Variants in KLHDC4 observed in about 807,000 individuals in gnomAD.
KLHDC4 encodes kelch domain-containing protein 4.
KLHDC4 carries 90 observed loss-of-function variants against 62.4 expected under a neutral mutation model. That is an observed-to-expected ratio of 1.44 (90% CI 1.22 to 1.72). KLHDC4 has a LOEUF of 1.72. Among genes scored for constraint, KLHDC4 ranks in the 40% most tolerant of loss-of-function variants. KLHDC4 has a pLI of 0.00. For synonymous variants in KLHDC4, 386 were observed against 284.4 expected, an observed-to-expected ratio of 1.36 and a Z score of -3.59; for missense variants, 1,025 against 699.7, an observed-to-expected ratio of 1.47 and a Z score of -5.25.
At chr16:87,709,217 C>G (rs367664412) in intron 10 of KLHDC4, 48 bp downstream of exon 10, 15 of 1,573,024 alleles carry the variant, frequency 9.5e-6, no homozygotes, top group Non-Finnish European at 1.2e-5. Context: ...GACACACGAC[C>G]GTGGGCTCTC....
chr16:87,762,218 T>C (rs888025215), intron 1 of KLHDC4, 178 bp from the exon 2 acceptor site: 1 of 1,349,576 alleles, frequency 7.4e-7, no homozygotes, highest in Non-Finnish European at 9.8e-7. Flanking sequence ...TAACCAGAGC[T>C]TGACCTCAAA....
intron 8 of KLHDC4, among the ~76,000 whole-genome samples, chr16:87,713,692 G>A (rs1480614660): frequency 6.6e-6 from 1 of 152,104 alleles, no homozygotes; most frequent in Non-Finnish European, 1.5e-5. Flanking sequence ...CCAGGAACAT[G>A]AAACGTGCCA....
At chr16:87,717,645 T>C (rs1308273053) in intron 7 of KLHDC4, among the ~76,000 whole-genome samples, 6 of 152,262 alleles carry the variant, frequency 3.9e-5, no homozygotes, top group Non-Finnish European at 7.3e-5. Flanking sequence ...AACAGGTTGA[T>C]AGAAAATGGC....
In KLHDC4 at chr16:87,726,911, A is replaced by C. The variant is rs1262421737; in HGVS notation, c.613T>G (p.Tyr205Asp). 1.9e-6 allele frequency: 3 copies of C among 1,613,950 alleles called. No individual in the cohort carries two copies. Residue 205 changes from tyrosine (Y) to aspartate (D), a missense_variant, in exon 7 of 12, where the codon TAC becomes GAC. Transcript: ENST00000270583. ...AGATTAAAGGCATACACGTCGTTGT[A>C]GTAGATGTAATCCCTGGTTAGAAGA... ...FHESTRDYIY[Y>D]NDVYAFNLDT...
At chr16:87,718,885 T>C (rs1393502125) in intron 7 of KLHDC4, among the ~76,000 whole-genome samples, 2 of 149,772 alleles carry the variant, frequency 1.3e-5, no homozygotes, top group East Asian at 4.0e-4. Context: ...CGACCCCGTC[T>C]GGGAACTGAG....
chr16:87,736,201 C>G (rs1277943274), intron 5 of KLHDC4, among the ~76,000 whole-genome samples: 1 of 152,174 alleles, frequency 6.6e-6, no homozygotes, highest in Non-Finnish European at 1.5e-5. Context: ...TGCTTATAGG[C>G]TACAAACCTG....
At chr16:87,706,736 C>G (rs75680986), downstream of KLHDC4, among the ~76,000 whole-genome samples, 1 of 152,190 alleles carries the variant, frequency 6.6e-6, no homozygotes. Flanking sequence ...GAGCTCAGCA[C>G]GTGCCCTGCT....
Position 87,758,769 on chromosome 16 carries a change from T to C in KLHDC4, c.192-2292A>G, listed in dbSNP as rs561711613. 2.6e-4 allele frequency among the ~76,000 whole-genome samples: 39 copies of C among 152,310 alleles called. 1 individual carries two copies. In the South Asian group the frequency reaches 7.5e-3, roughly 29 times the overall value. ...GTCCTGGGCCACCAGTTAGACAAGG[T>C]TGGTCTAGAGTTTCTATTTGGGGTG... On this transcript the variant is annotated intron_variant, in intron 2 of 11. Transcript: ENST00000270583.
At chr16:87,717,586 T>C (rs772765073) in intron 7 of KLHDC4, among the ~76,000 whole-genome samples, 1 of 152,220 alleles carries the variant, frequency 6.6e-6, no homozygotes, top group Non-Finnish European at 1.5e-5. Flanking sequence ...ATTCCAGTGA[T>C]GCAGTTTCTG....
At chr16:87,743,688 C>T (rs1389583608) in intron 5 of KLHDC4, among the ~76,000 whole-genome samples, 4 of 151,326 alleles carry the variant, frequency 2.6e-5, no homozygotes, top group Admixed American at 1.3e-4. Context: ...TGCAGTGAGC[C>T]GAGATCAAAC....
At chr16:87,698,411 A>C (rs2033992477) in exon 1 of KLHDC4, 1 of 151,962 alleles carries the variant, frequency 6.6e-6, no homozygotes, top group African/African-American at 2.4e-5. Context: ...GCTCTCACAA[A>C]GATCACAGCT....
rs774656407 is a variant in KLHDC4 at position 87,759,985 on chromosome 16, C to G, written c.191+1964G>C. 1.7e-4 allele frequency among the ~76,000 whole-genome samples: 26 copies of G among 152,214 alleles called. 1 individual carries two copies. Among genetic ancestry groups the G allele is most frequent in the Middle Eastern group, 6.8e-3 (2 of 294 alleles). On this transcript the variant is annotated intron_variant, in intron 2 of 11. Transcript: ENST00000270583. The stretch of plus-strand genomic sequence containing the variant: ...TTTTCCAGGTAGGTCACATCAGAGC[C>G]AATCCTGACGATATGCTCATTTAGA...
At chr16:87,716,835 G>A (rs1263671111) in intron 7 of KLHDC4, among the ~76,000 whole-genome samples, 1 of 152,224 alleles carries the variant, frequency 6.6e-6, no homozygotes, top group African/African-American at 2.4e-5. Context: ...GGGAGGCTGA[G>A]GCAGGAGAAT....
chr16:87,710,747 T>G (rs568257683), intron 9 of KLHDC4: 1 of 153,422 alleles, frequency 6.5e-6, no homozygotes, highest in African/African-American at 2.4e-5. Flanking sequence ...TGGCCCTTTC[T>G]GGGTCCGGCT....
At chr16:87,735,314 GA>G (rs60073416) in intron 5 of KLHDC4, among the ~76,000 whole-genome samples, 8,830 of 138,014 alleles carry the variant, frequency 0.064, 862 homozygotes, top group African/African-American at 0.22. Context: ...AAAAAAAAAA[GA>G]AAAAAAAAAA....
rs551902835 is a variant in KLHDC4, at chr16:87,757,618, G to T, written c.192-1141C>A. ...CATAATAATATTATGGGCCAGGCCC[G>T]GTGGCTCACACTTGTAATCCCAGCA... On this transcript the variant is annotated intron_variant, in intron 2 of 11. Transcript: ENST00000270583. Among the ~76,000 whole-genome samples the T allele has an allele frequency of 3.1e-4, 47 of 151,896 alleles. No homozygotes were observed. In the East Asian group the frequency reaches 8.2e-3, roughly 26 times the overall value.
At chr16:87,748,879 T>C (rs2143076748) in intron 4 of KLHDC4, 70 bp from the exon 5 acceptor site, 2 of 1,587,916 alleles carry the variant, frequency 1.3e-6, no homozygotes, top group Non-Finnish European at 1.7e-6. Flanking sequence ...GGGTGACCGG[T>C]AGTGGTGAGC....
At chr16:87,734,643 T>G (rs575053288) in intron 5 of KLHDC4, among the ~76,000 whole-genome samples, 4 of 152,206 alleles carry the variant, frequency 2.6e-5, no homozygotes, top group African/African-American at 9.6e-5. Context: ...AGTTCCTTTT[T>G]CTAGACACCA....
Sources: allele counts gnomAD v4.1 joint callset (sites outside exome capture counted in the v4.1 genomes callset), GRCh38; gene constraint gnomAD v4.1.1; transcripts MANE v1.5; gene names NCBI Gene and HGNC (gene_info 2026-07-23, HGNC 2026-07-21).